SPON1: variants seen among roughly 807,000 people sequenced by gnomAD.
SPON1 encodes spondin-1.
In SPON1, 52 loss-of-function variants were observed where a neutral mutation model predicts 111.7. That is an observed-to-expected ratio of 0.47 (90% CI 0.37 to 0.59). The LOEUF (loss-of-function observed/expected upper bound fraction) is 0.59, where lower values mean the gene tolerates loss of function less well. Among genes scored for constraint, SPON1 ranks in the 20% least tolerant of loss-of-function variants. SPON1 has a pLI of 0.00. For synonymous variants in SPON1, 410 were observed against 395.8 expected (o/e 1.04, Z -0.43); for missense variants, 957 against 1,068.5 (o/e 0.90, Z 1.46).
At chr11:13,972,124 C>T (rs1365885871) in intron 1 of SPON1, among the ~76,000 whole-genome samples, 1 of 152,198 alleles carries the variant, frequency 6.6e-6, no homozygotes, top group Non-Finnish European at 1.5e-5. Flanking sequence ...GTTGCAGTTG[C>T]TTGCTCCCTT....
rs1849287023 is a variant in SPON1, at chr11:14,267,614, C to A, written c.*1927C>A. The A allele has an allele frequency of 6.6e-6, 1 of 152,090 alleles. No homozygotes were observed. The highest frequency in any genetic ancestry group is 2.1e-4 in the South Asian group (1 of 4,824). 9.4% of individuals were successfully genotyped at this position (152,090 alleles called of 1,614,324 possible). On this transcript the variant is annotated 3_prime_UTR_variant, in exon 16 of 16. Transcript: ENST00000576479. ...GTCCCAGTTGGGTACATTTTAAAAT[C>A]CTGATTTTGGAGACTTAAAACCAGG...
At chr11:14,006,628 A>C (rs1200925505) in intron 2 of SPON1, among the ~76,000 whole-genome samples, 2 of 152,032 alleles carry the variant, frequency 1.3e-5, no homozygotes, top group Admixed American at 6.6e-5. Context: ...TCCTCATCCC[A>C]CCACTGCCCT....
intron 6 of SPON1, among the ~76,000 whole-genome samples, chr11:14,233,688 C>T (rs781968166): frequency 4.6e-5 from 7 of 151,216 alleles, no homozygotes; most frequent in African/African-American, 7.3e-5. Flanking sequence ...GCTTCTGGGA[C>T]GGGACCTGCC....
At chr11:14,158,109 T>C (rs2133871920) in intron 6 of SPON1, among the ~76,000 whole-genome samples, 1 of 152,250 alleles carries the variant, frequency 6.6e-6, no homozygotes, top group Non-Finnish European at 1.5e-5. Flanking sequence ...TCACAAAGAT[T>C]TGCTTCTTCT....
intron 2 of SPON1, among the ~76,000 whole-genome samples, chr11:13,989,488 A>C (rs1158504788): frequency 6.6e-6 from 1 of 152,184 alleles, no homozygotes. Context: ...ATCTTTTCAA[A>C]AAAACAGCTC....
intron 5 of SPON1, among the ~76,000 whole-genome samples, chr11:14,097,590 T>A (rs1267594555): frequency 1.3e-5 from 2 of 152,128 alleles, no homozygotes; most frequent in African/African-American, 4.8e-5. Context: ...ATTCCTTGGG[T>A]TACATAAGTA....
rs964661049 is a variant in SPON1 at position 13,962,781 on chromosome 11, C to A, written c.-124C>A. 2.2e-6 allele frequency: 2 copies of A among 894,950 alleles called. No homozygotes were observed. The highest frequency in any genetic ancestry group is 6.3e-5 in the East Asian group (2 of 31,602). 55.4% of individuals were successfully genotyped at this position (894,950 alleles called of 1,614,324 possible). On this transcript the variant is annotated 5_prime_UTR_variant, in exon 1 of 16. Transcript: ENST00000576479. ...GCGGGCACGGTCTCCGAGTCGCGGA[C>A]GCCAGCTCCGAGCTCCCTCTCTCCG...
At chr11:14,007,316 G>C (rs901283114) in intron 2 of SPON1, among the ~76,000 whole-genome samples, 3 of 152,108 alleles carry the variant, frequency 2.0e-5, no homozygotes, top group African/African-American at 4.8e-5. Context: ...ACAATCACAG[G>C]GTCCCACAAT....
chr11:14,219,588 A>G (rs1482836948), intron 6 of SPON1, among the ~76,000 whole-genome samples: 2 of 152,166 alleles, frequency 1.3e-5, no homozygotes, highest in East Asian at 1.9e-4. Flanking sequence ...ACTGCCACCT[A>G]TTTGGGTCAT....
chr11:14,157,303 GAGTATTTTTAAATA>G (rs1554930482), intron 6 of SPON1, among the ~76,000 whole-genome samples: 2 of 152,098 alleles, frequency 1.3e-5, no homozygotes, highest in African/African-American at 4.8e-5. Context: ...TATTTTTGAA[GAGTATTTTTAAATA>G]AGTTGCCACT....
At chr11:14,159,737 A>C (rs565788777) in intron 6 of SPON1, among the ~76,000 whole-genome samples, 2 of 152,248 alleles carry the variant, frequency 1.3e-5, no homozygotes, top group African/African-American at 4.8e-5. Flanking sequence ...CTGCGACAAC[A>C]TGGATGGAAC....
intron 14 of SPON1, among the ~76,000 whole-genome samples, chr11:14,262,080 G>A (rs1408597091): frequency 6.6e-6 from 1 of 152,232 alleles, no homozygotes; most frequent in African/African-American, 2.4e-5. Flanking sequence ...TGCTGGCTTA[G>A]TAAGAATTTA....
At position 14,193,816 on chromosome 11, in the gene SPON1, G is replaced by A. The variant is rs988476119; in HGVS notation, c.826-49516G>A. On this transcript the variant is annotated intron_variant, in intron 6 of 15. Coordinates refer to ENST00000576479, the MANE Select transcript of SPON1 (RefSeq NM_006108.4). ...GACATCCAGGAGGGCTCATGGCAGG[G>A]CCACACGGTGAGACCTTGCCCATCA... 3.3e-5 allele frequency among the ~76,000 whole-genome samples: 5 copies of A among 152,294 alleles called. No homozygotes were observed. The East Asian group carries it at 7.7e-4, about 24-fold the overall frequency.
chr11:14,117,381 TTTC>T (rs1849274578), intron 5 of SPON1, among the ~76,000 whole-genome samples: 1 of 152,216 alleles, frequency 6.6e-6, no homozygotes, highest in African/African-American at 2.4e-5. Context: ...GCTGATATGT[TTTC>T]TTATGTGAAT....
At chr11:14,233,767 T>C (rs1395939362) in intron 6 of SPON1, among the ~76,000 whole-genome samples, 1 of 144,212 alleles carries the variant, frequency 6.9e-6, no homozygotes, top group Non-Finnish European at 1.5e-5. Flanking sequence ...TCTTTTTTTT[T>C]TTTTTTTTTT....
intron 2 of SPON1, among the ~76,000 whole-genome samples, chr11:14,020,258 TAGG>T (rs1229302717): frequency 6.6e-6 from 1 of 151,816 alleles, no homozygotes; most frequent in Non-Finnish European, 1.5e-5. Flanking sequence ...GCCAAGGAAA[TAGG>T]AGAAGAAATC....
chr11:13,963,236 G>A, intron 1 of SPON1, 94 bp downstream of exon 1: 1 of 964,230 alleles, frequency 1.0e-6, no homozygotes, highest in East Asian at 3.1e-5. Context: ...GCGGTCTCCG[G>A]GCGCGTGGCG....
chr11:14,263,132 C>A, intron 15 of SPON1, 157 bp downstream of exon 15: 1 of 739,122 alleles, frequency 1.4e-6, no homozygotes, highest in Non-Finnish European at 2.1e-6. Flanking sequence ...TCTTTAGATC[C>A]AAGTTTGTTC....
intron 1 of SPON1, among the ~76,000 whole-genome samples, chr11:13,978,200 A>G (rs782178357): frequency 2.6e-5 from 4 of 152,054 alleles, no homozygotes; most frequent in Non-Finnish European, 5.9e-5. Context: ...TCAATTTTGC[A>G]CTTCTTTCAT....
Sources: allele counts gnomAD v4.1 joint callset (sites outside exome capture counted in the v4.1 genomes callset), GRCh38; gene constraint gnomAD v4.1.1; transcripts MANE v1.5; gene names NCBI Gene and HGNC (gene_info 2026-07-23, HGNC 2026-07-21).